Variants in CAMSAP2 observed in about 807,000 individuals in gnomAD.
The protein encoded by CAMSAP2 is calmodulin regulated spectrin associated protein family member 2, also known as calmodulin-regulated spectrin-associated protein 2.
CAMSAP2 carries 26 observed loss-of-function variants against 146.1 expected under a neutral mutation model. The observed-to-expected ratio is 0.18, with a 90% CI of 0.13 to 0.25. CAMSAP2 has a LOEUF of 0.25. Among genes scored for constraint, CAMSAP2 ranks in the 10% least tolerant of loss-of-function variants. The pLI, the probability that CAMSAP2 is intolerant of heterozygous loss-of-function variation, is 1.00. For missense variants in CAMSAP2, 1,381 were observed against 1,759.3 expected (o/e 0.78, Z 3.85); for synonymous variants, 499 against 596.6 (o/e 0.84, Z 2.38).
In CAMSAP2 at chr1:200,853,662, A is replaced by G. The variant is rs1284400983; in HGVS notation, c.3823+167A>G. Among the ~76,000 whole-genome samples the G allele has an allele frequency of 1.3e-5, 2 of 152,264 alleles. No individual in the cohort carries two copies. Among genetic ancestry groups the G allele is most frequent in the African/African-American group, 4.8e-5 (2 of 41,474 alleles). Reference sequence around the variant, plus strand: ...GAGCAAATGAAGTTTTTAATAAATTAAATGTATTATGTGTGCATGCATATA... The same window carrying G: ...GAGCAAATGAAGTTTTTAATAAATTGAATGTATTATGTGTGCATGCATATA... On this transcript the variant is annotated intron_variant, in intron 13 of 16. Transcript: ENST00000358823. This position sits in a 1 kb window ranked among gnomAD's most constrained non-coding sequence, Gnocchi z 5.1.
chr1:200,807,300 T>C, intron 2 of CAMSAP2, 76 bp from the exon 3 acceptor site: 1 of 1,165,126 alleles, frequency 8.6e-7, no homozygotes, highest in Admixed American at 3.0e-5. Flanking sequence ...GGAGATGTCA[T>C]TAACATTTCA....
At chr1:200,782,866 G>A (rs1192418879) in intron 2 of CAMSAP2, among the ~76,000 whole-genome samples, 2 of 136,226 alleles carry the variant, frequency 1.5e-5, no homozygotes, top group African/African-American at 5.5e-5. Flanking sequence ...GCTTGATCAC[G>A]GGCTCAACCT....
At chr1:200,815,034 C>G (rs1277221581) in intron 3 of CAMSAP2, among the ~76,000 whole-genome samples, 1 of 151,652 alleles carries the variant, frequency 6.6e-6, no homozygotes. Context: ...ATTAAGCTCT[C>G]TCCTCAAAAA....
chr1:200,816,182 CACTCAGGAGGCAGGAGAATCGCTTAA>C (rs986348209), intron 4 of CAMSAP2, among the ~76,000 whole-genome samples: 3 of 151,868 alleles, frequency 2.0e-5, no homozygotes, highest in African/African-American at 7.3e-5. Flanking sequence ...TAATCCCAGC[CACTCAGGAGGCAGGAGAATCGCTTAA>C]ACTCAGGAGG....
At chr1:200,799,252 C>A (rs1665969733) in intron 2 of CAMSAP2, among the ~76,000 whole-genome samples, 1 of 151,784 alleles carries the variant, frequency 6.6e-6, no homozygotes, top group African/African-American at 2.4e-5. Context: ...GGTACCAGCT[C>A]CTCTTTGTAC....
chr1:200,740,796 GATTC>G (rs1664147899), intron 1 of CAMSAP2, among the ~76,000 whole-genome samples: 1 of 152,126 alleles, frequency 6.6e-6, no homozygotes, highest in South Asian at 2.1e-4. Flanking sequence ...CTCCCGTTAT[GATTC>G]TTTAGTGTTG....
intron 4 of CAMSAP2, among the ~76,000 whole-genome samples, chr1:200,816,845 T>TAC (rs531129943): frequency 5.0e-5 from 3 of 59,764 alleles, no homozygotes; most frequent in Admixed American, 1.8e-4. Flanking sequence ...TGTATGTGTG[T>TAC]ACACACACAC....
intron 4 of CAMSAP2, among the ~76,000 whole-genome samples, chr1:200,830,393 A>G (rs1450435661): frequency 6.6e-6 from 1 of 152,264 alleles, no homozygotes; most frequent in Non-Finnish European, 1.5e-5. Context: ...GGAGTAGAAC[A>G]AATCACATAA....
At position 200,738,924 on chromosome 1, in the gene CAMSAP2, G is replaced by A. The variant is rs1335374309; in HGVS notation, c.-904G>A. 6.7e-6 allele frequency among the ~76,000 whole-genome samples: 1 copy of A among 148,700 alleles called. No individual in the cohort carries two copies. Among genetic ancestry groups the A allele is most frequent in the Non-Finnish European group, 1.5e-5 (1 of 67,408 alleles). ...CGCATCTGCTCCTTCATCCAGTGCC[G>A]CAGCCGGAAAACCGCAGCGGCGGCG... On this transcript the variant is annotated 5_prime_UTR_variant, in exon 1 of 17. Coordinates refer to ENST00000358823, the MANE Select transcript of CAMSAP2 (RefSeq NM_203459.4).
chr1:200,817,089 C>A (rs1373540480), intron 4 of CAMSAP2, among the ~76,000 whole-genome samples: 1 of 143,470 alleles, frequency 7.0e-6, no homozygotes, highest in Non-Finnish European at 1.6e-5. Context: ...TACACACACA[C>A]GTATATATGT....
intron 2 of CAMSAP2, among the ~76,000 whole-genome samples, chr1:200,795,454 C>A (rs1306843367): frequency 6.6e-6 from 1 of 152,070 alleles, no homozygotes; most frequent in Non-Finnish European, 1.5e-5. Context: ...TAAACTGTTT[C>A]CTTTGTTTAC....
chr1:200,755,818 G>A (rs1664632562), intron 1 of CAMSAP2, among the ~76,000 whole-genome samples: 1 of 152,298 alleles, frequency 6.6e-6, no homozygotes, highest in East Asian at 1.9e-4. Context: ...AATATTATGG[G>A]ATAGTAATAG....
At chr1:200,766,550 A>G (rs958638088) in intron 2 of CAMSAP2, among the ~76,000 whole-genome samples, 5 of 152,214 alleles carry the variant, frequency 3.3e-5, no homozygotes, top group African/African-American at 4.8e-5. Context: ...TTTTCTATTG[A>G]TGAAGAAACT....
chr1:200,850,296 A>T (rs1256057016), intron 11 of CAMSAP2, 62 bp downstream of exon 11: 6 of 1,333,828 alleles, frequency 4.5e-6, no homozygotes, highest in Non-Finnish European at 6.0e-6. Context: ...TGTGTTGGAT[A>T]TTTTTTTTTT....
At chr1:200,855,817 G>A (rs1208122326) in intron 14 of CAMSAP2, among the ~76,000 whole-genome samples, 193 bp from the exon 15 acceptor site, 1 of 151,918 alleles carries the variant, frequency 6.6e-6, no homozygotes, top group Admixed American at 6.5e-5. Flanking sequence ...GGCTGATCTC[G>A]AACTTCTGAC....
intron 4 of CAMSAP2, among the ~76,000 whole-genome samples, chr1:200,829,446 T>A (rs188954862): frequency 6.6e-6 from 1 of 152,252 alleles, no homozygotes; most frequent in East Asian, 1.9e-4. Context: ...GAATTATAGA[T>A]GACACTTCAC....
intron 2 of CAMSAP2, among the ~76,000 whole-genome samples, chr1:200,790,263 A>G (rs1158299217): frequency 1.3e-5 from 2 of 152,072 alleles, no homozygotes; most frequent in Non-Finnish European, 2.9e-5. Context: ...GTTTCTTCTG[A>G]GGGCAGGCCT....
chr1:200,752,577 T>C (rs1664536161), intron 1 of CAMSAP2, among the ~76,000 whole-genome samples: 1 of 152,088 alleles, frequency 6.6e-6, no homozygotes, highest in African/African-American at 2.4e-5. Context: ...CTATTTTATT[T>C]CCCAATTCAG....
chr1:200,834,045 A>T (rs969986169), intron 6 of CAMSAP2, among the ~76,000 whole-genome samples: 2 of 152,174 alleles, frequency 1.3e-5, no homozygotes, highest in African/African-American at 4.8e-5. Context: ...AATATATTTT[A>T]TTTACATTGA....
Sources: gnomAD v4.1 joint callset for allele counts (sites outside exome capture counted in the v4.1 genomes callset) on GRCh38, gnomAD v4.1.1 for gene constraint, Gnocchi (gnomAD v3.1) non-coding constraint, MANE v1.5 for transcripts, NCBI Gene and HGNC (gene_info 2026-07-23, HGNC 2026-07-21) for gene names.